Variants in KRR1 observed in about 807,000 individuals in gnomAD.
The protein encoded by KRR1 is KRR1 small subunit processome component.
In KRR1, 23 loss-of-function variants were observed where a neutral mutation model predicts 50.0. The observed-to-expected ratio is 0.46, with a 90% CI of 0.33 to 0.65. The LOEUF (loss-of-function observed/expected upper bound fraction) is 0.65, where lower values mean the gene tolerates loss of function less well. KRR1 is among the 30% of genes least tolerant of loss of function. KRR1 has a pLI of 0.02. For synonymous variants in KRR1, 133 were observed against 146.3 expected, an observed-to-expected ratio of 0.91 and a Z score of 0.66; for missense variants, 419 against 442.4, an observed-to-expected ratio of 0.95 and a Z score of 0.47.
chr12:75,499,385 A>G lies in KRR1; in HGVS notation c.*424T>C, dbSNP rs1485605980. 1 of 161,034 alleles carries G rather than the reference A, an allele frequency of 6.2e-6. No homozygotes were observed. The highest frequency in any genetic ancestry group is 1.3e-5 in the Non-Finnish European group (1 of 74,700). The allele number at this position is 161,034 out of a possible 1,614,324, so 10.0% of individuals were successfully genotyped here. Reference sequence around the variant, plus strand: ...TGTCTTTTTGGTTTACTACTTCCCCAGATTCAGAACAGAGGAGTAACTAGG... The same window carrying G: ...TGTCTTTTTGGTTTACTACTTCCCCGGATTCAGAACAGAGGAGTAACTAGG... On this transcript the variant is annotated 3_prime_UTR_variant, in exon 10 of 10. Coordinates refer to ENST00000229214, the MANE Select transcript of KRR1 (RefSeq NM_007043.7).
intron 6 of KRR1, among the ~76,000 whole-genome samples, chr12:75,504,776 T>G (rs986404572): frequency 6.6e-6 from 1 of 152,014 alleles, no homozygotes. Context: ...AGCTACAATT[T>G]GAGTGTTAAA....
intron 2 of KRR1, among the ~76,000 whole-genome samples, chr12:75,507,497 T>C (rs2046427435): frequency 6.6e-6 from 1 of 152,176 alleles, no homozygotes; most frequent in South Asian, 2.1e-4. Flanking sequence ...CTCAAGAATA[T>C]TTCAACATAG....
Position 75,506,397 on chromosome 12 carries a change from T to C in KRR1, c.522A>G (p.Ala174=), listed in dbSNP as rs754483510. Residue 174 remains alanine, a splice_region_variant and synonymous_variant, in exon 5 of 10, where the codon GCA becomes GCG. Transcript: ENST00000229214. Reference sequence around the variant, plus strand: ...TGTAACAATTAGTTAAGAGTTCCAATGCCTGTATCAAGAGATCAAGTTAAA... The same window carrying C: ...TGTAACAATTAGTTAAGAGTTCCAACGCCTGTATCAAGAGATCAAGTTAAA... ...LIGPKGSTLK[A]LELLTNCYIM... is the part of the protein sequence containing the mutation. 6.2e-7 allele frequency: 1 copy of C among 1,610,884 alleles called. No homozygotes were observed. The highest frequency in any genetic ancestry group is 8.5e-7 in the Non-Finnish European group (1 of 1,178,770).
rs1271192685 is a variant in KRR1, at chr12:75,500,856, T to C, written c.1003+867A>G. On this transcript the variant is annotated intron_variant, in intron 9 of 9. Transcript: ENST00000229214. ...TTAGGGTAACTAGCTATTGAGTATA[T>C]TGAGTACCTTCAAAGCACTCAACTG... The C allele has an allele frequency of 3.3e-5, 5 of 152,196 alleles. No individual in the cohort carries two copies. In the South Asian group the frequency reaches 8.3e-4, roughly 25 times the overall value. 9.4% of individuals were successfully genotyped at this position (152,196 alleles called of 1,614,324 possible).
At chr12:75,509,338 G>T (rs541549895) in intron 1 of KRR1, among the ~76,000 whole-genome samples, 8 of 152,192 alleles carry the variant, frequency 5.3e-5, no homozygotes, top group Admixed American at 2.6e-4. Flanking sequence ...TCTCTTCGAC[G>T]AGGGACAAGA....
rs141548102 is a variant in KRR1, at chr12:75,495,550, A to G, written c.*4259T>C. 8.8e-6 allele frequency: 12 copies of G among 1,357,918 alleles called. No individual in the cohort carries two copies. Among genetic ancestry groups the G allele is most frequent in the Non-Finnish European group, 1.3e-5 (12 of 950,476 alleles). The allele number at this position is 1,357,918 out of a possible 1,614,324, so 84.1% of individuals were successfully genotyped here. ...AATTTTAAAAAACCGAAAAACTTCTAATGGACATCCTTCTTCTGCTTTACA... is the reference window on the plus strand; with the variant it reads ...AATTTTAAAAAACCGAAAAACTTCTGATGGACATCCTTCTTCTGCTTTACA... On this transcript the variant is annotated 3_prime_UTR_variant, in exon 10 of 10. Transcript: ENST00000229214.
In KRR1 at chr12:75,495,749, CT is replaced by C. The variant is rs1397135301; in HGVS notation, c.*4059del. ...AATTAACAATGAAACCATGTTTTATCTTAACGGCTATCTTCAAGGAAACTGG... is the reference window on the plus strand; with the variant it reads ...AATTAACAATGAAACCATGTTTTATCTAACGGCTATCTTCAAGGAAACTGG... On this transcript the variant is annotated 3_prime_UTR_variant, in exon 10 of 10. Coordinates refer to ENST00000229214, the MANE Select transcript of KRR1 (RefSeq NM_007043.7). 4.8e-5 allele frequency: 37 copies of C among 778,086 alleles called. No individual in the cohort carries two copies. Among genetic ancestry groups the C allele is most frequent in the Middle Eastern group, 2.4e-4 (1 of 4,214 alleles). The allele number at this position is 778,086 out of a possible 1,614,324, so 48.2% of individuals were successfully genotyped here.
chr12:75,503,599 C>CAAAT (rs1161717540), intron 7 of KRR1: 1 of 197,636 alleles, frequency 5.1e-6, no homozygotes, highest in African/African-American at 2.3e-5. Flanking sequence ...ATAATGTTGC[C>CAAAT]AAATCAGAGA....
rs148121880 is a variant in KRR1 at position 75,506,362 on chromosome 12, T to A, written c.557A>T (p.Gln186Leu). The change falls in exon 5 of 10, where the codon CAG becomes CTG. Residue 186 changes from glutamine (Q) to leucine (L), a missense_variant. Transcript: ENST00000229214. The stretch of plus-strand genomic sequence containing the variant: ...TCCAATGGCTGAAACTGTGTTTCCC[T>A]GAACCATAATGTAACAATTAGTTAA... Reference protein sequence around the residue: ...ELLTNCYIMVQGNTVSAIGPF... With the variant: ...ELLTNCYIMVLGNTVSAIGPF... 1 of 1,612,322 alleles carries A rather than the reference T, an allele frequency of 6.2e-7. No homozygotes were observed. The highest frequency in any genetic ancestry group is 8.5e-7 in the Non-Finnish European group (1 of 1,179,074).
rs1352986918 is a variant in KRR1, at chr12:75,506,489, A to G, written c.514T>C (p.Leu172=). The change falls in exon 4 of 10, where the codon TTG becomes CTG. Residue 172 remains leucine (L), a synonymous_variant. Coordinates refer to ENST00000229214, the MANE Select transcript of KRR1 (RefSeq NM_007043.7). The stretch of plus-strand genomic sequence containing the variant: ...TTCCACTAATTAAAAAATACCTTCA[A>G]TGTAGATCCTTTGGGACCAATAAGC... The part of the protein sequence containing the change: ...QRLIGPKGST[L]KALELLTNCY... The G allele has an allele frequency of 6.2e-7, 1 of 1,611,550 alleles. No homozygotes were observed. The highest frequency in any genetic ancestry group is 1.3e-5 in the African/African-American group (1 of 74,792).
chr12:75,502,084 T>C, intron 7 of KRR1, 84 bp from the exon 8 acceptor site: 1 of 1,082,884 alleles, frequency 9.2e-7, no homozygotes, highest in Non-Finnish European at 1.4e-6. Flanking sequence ...ATCCTTAGGG[T>C]AAAAACAATG....
chr12:75,500,795 A>G (rs1477931721), intron 9 of KRR1: 1 of 152,072 alleles, frequency 6.6e-6, no homozygotes, highest in Non-Finnish European at 1.5e-5. Flanking sequence ...TGAGAAGCAC[A>G]GAGTGTTAAA....
At position 75,505,259 on chromosome 12, in the gene KRR1, A is replaced by C. The variant is rs569826447; in HGVS notation, c.604-5T>G. The C allele has an allele frequency of 1.3e-6, 2 of 1,569,554 alleles. No homozygotes were observed. The highest frequency in any genetic ancestry group is 1.7e-6 in the Non-Finnish European group (2 of 1,159,326). On this transcript the variant is annotated splice_region_variant and splice_polypyrimidine_tract_variant and intron_variant, in intron 5 of 9. Coordinates refer to ENST00000229214, the MANE Select transcript of KRR1 (RefSeq NM_007043.7). ...ATCAAGGACTACTTTTCTAACCTGA[A>C]ATTTGCAAAGAAAAATGAATTAGTC...
rs1403091968 is a variant in KRR1 at position 75,506,630 on chromosome 12, AAAAG to A, written c.394-25_394-22del. On this transcript the variant is annotated intron_variant, in intron 3 of 9. Coordinates refer to ENST00000229214, the MANE Select transcript of KRR1 (RefSeq NM_007043.7). Reference sequence around the variant, plus strand: ...ACTGCCTTTTGCAAAAAAAAAAAAAAAAAGAAGACATTATCAACATTTTTTACAA... The same window carrying A: ...ACTGCCTTTTGCAAAAAAAAAAAAAAAAGACATTATCAACATTTTTTACAA... 14 of 1,551,704 alleles carry A rather than the reference AAAAG, an allele frequency of 9.0e-6. 1 individual carries two copies. The highest frequency in any genetic ancestry group is 4.6e-5 in the Admixed American group (2 of 43,904).
chr12:75,491,889 TGAAA>T lies in KRR1; in HGVS notation c.*7916_*7919del, dbSNP rs755217217. ...AATTTTTGGATTCCTGGAGATTGGC[TGAAA>T]GAAAGCCATTTCCCTGGTGTAATGT... On this transcript the variant is annotated 3_prime_UTR_variant, in exon 10 of 10. Transcript: ENST00000229214. 3.9e-5 allele frequency: 6 copies of T among 152,130 alleles called. No homozygotes were observed. The highest frequency in any genetic ancestry group is 1.4e-4 in the African/African-American group (6 of 41,420). 9.4% of individuals were successfully genotyped at this position (152,130 alleles called of 1,614,324 possible). A position where few individuals can be genotyped will look rare whatever the true frequency, so the allele number is the denominator to read the frequency against.
intron 7 of KRR1, chr12:75,502,550 C>T (rs1044001855): frequency 1.3e-5 from 2 of 152,486 alleles, no homozygotes; most frequent in Non-Finnish European, 2.9e-5. Context: ...TGACCTGTCT[C>T]CCACTTACAT....
rs200107199 is a variant in KRR1, at chr12:75,498,732, A to C, written c.*1077T>G. On this transcript the variant is annotated 3_prime_UTR_variant, in exon 10 of 10. Coordinates refer to ENST00000229214, the MANE Select transcript of KRR1 (RefSeq NM_007043.7). ...AGACCAAGTCAAACGTACGTACATC[A>C]ATCTTAAATTGTTTCATTAAGAGCT... 56 of 1,611,490 alleles carry C rather than the reference A, an allele frequency of 3.5e-5. No individual in the cohort carries two copies. The highest frequency in any genetic ancestry group is 9.3e-6 in the Non-Finnish European group (11 of 1,178,078).
chr12:75,499,686 A>C lies in KRR1; in HGVS notation c.*123T>G, dbSNP rs113740287. 9.0e-5 allele frequency: 50 copies of C among 557,464 alleles called. No homozygotes were observed. The highest frequency in any genetic ancestry group is 5.0e-4 in the Middle Eastern group (1 of 2,020). 34.5% of individuals were successfully genotyped at this position (557,464 alleles called of 1,614,324 possible). A position where few individuals can be genotyped will look rare whatever the true frequency, so the allele number is the denominator to read the frequency against. On this transcript the variant is annotated 3_prime_UTR_variant, in exon 10 of 10. Transcript: ENST00000229214. ...TTATAAAGAACACTCTTCTATGAACAACCACCACCACCAAAAAAAAAAAAA... is the reference window on the plus strand; with the variant it reads ...TTATAAAGAACACTCTTCTATGAACCACCACCACCACCAAAAAAAAAAAAA...
Position 75,495,572 on chromosome 12 carries a change from T to C in KRR1, c.*4237A>G, listed in dbSNP as rs61545347. The C allele has an allele frequency of 8.4e-4, 1,313 of 1,561,754 alleles. 14 individuals carry two copies. The African/African-American group carries it at 0.016, about 19-fold the overall frequency. ...TCTAATGGACATCCTTCTTCTGCTT[T>C]ACAGAGGGAATTACCCAACTTGGCC... On this transcript the variant is annotated 3_prime_UTR_variant, in exon 10 of 10. Coordinates refer to ENST00000229214, the MANE Select transcript of KRR1 (RefSeq NM_007043.7).
Sources: gnomAD v4.1 joint callset for allele counts (sites outside exome capture counted in the v4.1 genomes callset) on GRCh38, gnomAD v4.1.1 for gene constraint, MANE v1.5 for transcripts, NCBI Gene and HGNC (gene_info 2026-07-23, HGNC 2026-07-21) for gene names.